ILDR2: variants seen among roughly 807,000 people sequenced by gnomAD.
ILDR2 encodes the protein immunoglobulin-like domain-containing receptor 2.
Under a neutral mutation model 66.8 loss-of-function variants are expected in ILDR2, and 25 were observed. That is an observed-to-expected ratio of 0.37 (90% CI 0.27 to 0.52). The LOEUF (loss-of-function observed/expected upper bound fraction) is 0.52, where lower values mean the gene tolerates loss of function less well. Among genes scored for constraint, ILDR2 ranks in the 20% least tolerant of loss-of-function variants. ILDR2 has a pLI of 0.88. For synonymous variants in ILDR2, 367 were observed against 357.2 expected (o/e 1.03, Z -0.31); for missense variants, 827 against 876.8 (o/e 0.94, Z 0.72).
Position 166,921,413 on chromosome 1 carries a change from GTC to G in ILDR2, c.1212-36_1212-35del. 3 of 1,505,594 alleles carry G rather than the reference GTC, an allele frequency of 2.0e-6. No homozygotes were observed. The African/African-American group carries it at 4.1e-5, about 21-fold the overall frequency. The allele number at this position is 1,505,594 out of a possible 1,614,324, so 93.3% of individuals were successfully genotyped here. A position where few individuals can be genotyped will look rare whatever the true frequency, so the allele number is the denominator to read the frequency against. On this transcript the variant is annotated intron_variant, in intron 8 of 9. Coordinates refer to ENST00000271417, the MANE Select transcript of ILDR2 (RefSeq NM_199351.3). This position sits in a 1 kb window ranked among gnomAD's most constrained non-coding sequence, Gnocchi z 5.3. ...AGAGAAGGAGGGGGTCAGACGGCCG[GTC>G]CCTCCCTGGAGCTCCAGGTAGGGCT...
At chr1:166,895,963 G>C (rs1469583525) in exon 3 of ILDR2, 1 of 152,158 alleles carries the variant, frequency 6.6e-6, no homozygotes, top group African/African-American at 2.4e-5. Context: ...TCTTCTCGAT[G>C]TTCCTATGTC....
intron 2 of ILDR2, among the ~76,000 whole-genome samples, chr1:166,899,616 G>A (rs1039383736): frequency 3.3e-5 from 5 of 152,244 alleles, no homozygotes; most frequent in African/African-American, 9.6e-5. Flanking sequence ...TCAAGAACTT[G>A]TTCATAGAAA....
At chr1:166,925,490 C>T (rs1403116780) in intron 7 of ILDR2, among the ~76,000 whole-genome samples, 1 of 152,180 alleles carries the variant, frequency 6.6e-6, no homozygotes, top group African/African-American at 2.4e-5. Flanking sequence ...TCCCTTCCAG[C>T]TCTGACATTC....
chr1:166,945,477 T>C (rs1472350655), intron 3 of ILDR2, among the ~76,000 whole-genome samples: 1 of 152,228 alleles, frequency 6.6e-6, no homozygotes, highest in Non-Finnish European at 1.5e-5. Flanking sequence ...ATTTCAGTTG[T>C]TTTCTGCCAC....
Position 166,936,623 on chromosome 1 carries a change from C to G in ILDR2, c.671G>C (p.Cys224Ser). 1 of 1,614,030 alleles carries G rather than the reference C, an allele frequency of 6.2e-7. No homozygotes were observed. Among genetic ancestry groups the G allele is most frequent in the Non-Finnish European group, 8.5e-7 (1 of 1,179,948 alleles). Residue 224 changes from cysteine (C) to serine (S), a missense_variant, in exon 5 of 10, where the codon TGC becomes TCC. Cys to Ser is a moderately radical substitution (Grantham distance 112). This residue lies in a region of ILDR2 where 437 missense variants were observed against 523.2 expected (regional missense o/e 0.84). Transcript: ENST00000271417. This position sits in a 1 kb window ranked among gnomAD's most constrained non-coding sequence, Gnocchi z 5.0. ...HSCCCYVRCPCCPDSCCCPQA... is the reference protein window; with the variant it reads ...HSCCCYVRCPSCPDSCCCPQA... ...AGGGCAGCAGCAGGAATCTGGGCAGCATGGGCAGCGGACATAGCAGCAGCA... is the reference window on the plus strand; with the variant it reads ...AGGGCAGCAGCAGGAATCTGGGCAGGATGGGCAGCGGACATAGCAGCAGCA...
intron 9 of ILDR2, among the ~76,000 whole-genome samples, chr1:166,919,881 G>C (rs1309539396): frequency 6.6e-6 from 1 of 152,150 alleles, no homozygotes; most frequent in African/African-American, 2.4e-5. Flanking sequence ...ACGGAATGGT[G>C]GGGAGGCAGG....
At chr1:166,957,575 G>A (rs1369034396) in intron 2 of ILDR2, among the ~76,000 whole-genome samples, 194 bp downstream of exon 2, 5 of 152,030 alleles carry the variant, frequency 3.3e-5, no homozygotes, top group African/African-American at 7.3e-5. Flanking sequence ...GATTTTACAC[G>A]ATCCACCCTT....
rs903873008 is a variant in ILDR2 at position 166,936,111 on chromosome 1, G to A, written c.703+480C>T. 3.3e-5 allele frequency among the ~76,000 whole-genome samples: 5 copies of A among 152,162 alleles called. No individual in the cohort carries two copies. The highest frequency in any genetic ancestry group is 1.2e-4 in the African/African-American group (5 of 41,432). On this transcript the variant is annotated intron_variant, in intron 5 of 9. Coordinates refer to ENST00000271417, the MANE Select transcript of ILDR2 (RefSeq NM_199351.3). This position sits in a 1 kb window ranked among gnomAD's most constrained non-coding sequence, Gnocchi z 5.0. ...TTGTGAATCCTCAAATAAGAACTAGGCCCTATTGTGGCCCATGTCATCATG... is the reference window on the plus strand; with the variant it reads ...TTGTGAATCCTCAAATAAGAACTAGACCCTATTGTGGCCCATGTCATCATG...
chr1:166,936,382 G>C lies in ILDR2; in HGVS notation c.703+209C>G, dbSNP rs1192422529. ...TGCATGGAGTGATAGATATGGATAAGAAGTGTGGAGAGGTGTATGTAGGTG... is the reference window on the plus strand; with the variant it reads ...TGCATGGAGTGATAGATATGGATAACAAGTGTGGAGAGGTGTATGTAGGTG... On this transcript the variant is annotated intron_variant, in intron 5 of 9. Transcript: ENST00000271417. The surrounding 1 kb of genome is among the most constrained non-coding windows in gnomAD (Gnocchi z 5.0). 6.6e-6 allele frequency among the ~76,000 whole-genome samples: 1 copy of C among 152,184 alleles called. No homozygotes were observed. Among genetic ancestry groups the C allele is most frequent in the Non-Finnish European group, 1.5e-5 (1 of 68,038 alleles).
chr1:166,932,031 G>A (rs1346968285), intron 6 of ILDR2, among the ~76,000 whole-genome samples: 1 of 152,210 alleles, frequency 6.6e-6, no homozygotes, highest in Non-Finnish European at 1.5e-5. Context: ...TGAAGCCACA[G>A]GAGTGAATAA....
At chr1:166,920,623 G>T in intron 9 of ILDR2, 84 bp downstream of exon 9, 1 of 1,302,580 alleles carries the variant, frequency 7.7e-7, no homozygotes. Flanking sequence ...CCACCTCCCC[G>T]GCCCCCAGAC....
intron 3 of ILDR2, among the ~76,000 whole-genome samples, chr1:166,943,348 T>C (rs970916430): frequency 6.6e-6 from 1 of 151,658 alleles, no homozygotes; most frequent in Non-Finnish European, 1.5e-5. Context: ...AAAAATTAGC[T>C]GGGCGTGGTG....
intron 4 of ILDR2, among the ~76,000 whole-genome samples, chr1:166,938,459 T>C (rs746653491): frequency 1.3e-5 from 2 of 152,196 alleles, no homozygotes; most frequent in Non-Finnish European, 2.9e-5. Context: ...AATGTAACAT[T>C]GTTTTTGTGA....
At chr1:166,898,893 T>TA (rs36031893) in intron 2 of ILDR2, among the ~76,000 whole-genome samples, 159 of 137,722 alleles carry the variant, frequency 1.2e-3, no homozygotes, top group Middle Eastern at 3.7e-3. Flanking sequence ...GATCCCATCT[T>TA]AAAAAAAAAA....
intron 1 of ILDR2, among the ~76,000 whole-genome samples, chr1:166,967,523 G>A (rs1217023400): frequency 6.6e-6 from 1 of 152,184 alleles, no homozygotes; most frequent in East Asian, 1.9e-4. Context: ...TTGGGAGGCC[G>A]AGGCAGGCAG....
intron 2 of ILDR2, among the ~76,000 whole-genome samples, chr1:166,896,936 A>C (rs1659177177): frequency 1.3e-5 from 2 of 152,160 alleles, no homozygotes; most frequent in Admixed American, 6.5e-5. Context: ...TGCCCAGCCT[A>C]CTTTTTTTAC....
intron 2 of ILDR2, among the ~76,000 whole-genome samples, chr1:166,902,589 A>G (rs1659281697): frequency 6.6e-6 from 1 of 152,238 alleles, no homozygotes; most frequent in Non-Finnish European, 1.5e-5. Context: ...GAGGAAACAC[A>G]TTGTCTCAGT....
intron 6 of ILDR2, among the ~76,000 whole-genome samples, chr1:166,932,221 T>C (rs191331171): frequency 3.3e-5 from 5 of 152,290 alleles, no homozygotes; most frequent in African/African-American, 7.2e-5. Flanking sequence ...GAGGTAATGA[T>C]TGAAAAGGAT....
chr1:166,952,460 T>C (rs1433121935), intron 3 of ILDR2, among the ~76,000 whole-genome samples: 3 of 152,224 alleles, frequency 2.0e-5, no homozygotes, highest in Admixed American at 6.5e-5. Context: ...GTGTTCAGTA[T>C]AGTTTTTGTG....
Sources: gnomAD v4.1 joint callset for allele counts (sites outside exome capture counted in the v4.1 genomes callset) on GRCh38, gnomAD v4.1.1 for gene constraint, gnomAD v4.1.1 regional missense constraint, Gnocchi (gnomAD v3.1) non-coding constraint, MANE v1.5 for transcripts, NCBI Gene and HGNC (gene_info 2026-07-23, HGNC 2026-07-21) for gene names.